Variants in BPIFB2 observed in about 807,000 individuals in gnomAD.
BPIFB2 encodes BPI fold containing family B member 2.
Under a neutral mutation model 50.1 loss-of-function variants are expected in BPIFB2, and 39 were observed. That is an observed-to-expected ratio of 0.78 (90% CI 0.60 to 1.02). The LOEUF (loss-of-function observed/expected upper bound fraction) is 1.02, where lower values mean the gene tolerates loss of function less well. BPIFB2 is among the 50% of genes least tolerant of loss of function. BPIFB2 has a pLI of 0.00. For missense variants in BPIFB2, 574 were observed against 585.8 expected (o/e 0.98, Z 0.21); for synonymous variants, 280 against 256.3 (o/e 1.09, Z -0.88).
intron 5 of BPIFB2, among the ~76,000 whole-genome samples, chr20:33,014,770 C>T (rs189022186): frequency 4.5e-4 from 68 of 152,340 alleles, no homozygotes; most frequent in African/African-American, 1.6e-3. Flanking sequence ...ACACTTGTGT[C>T]GCATGATCAC....
intron 11 of BPIFB2, 28 bp downstream of exon 11, chr20:33,019,778 C>A: frequency 6.4e-7 from 1 of 1,557,024 alleles, no homozygotes; most frequent in South Asian, 1.2e-5. Flanking sequence ...GGTCGGAAGG[C>A]AGGCAACTGT....
chr20:33,023,316 G>A, intron 15 of BPIFB2, 26 bp from the exon 16 acceptor site: 1 of 1,612,156 alleles, frequency 6.2e-7, no homozygotes, highest in Non-Finnish European at 8.5e-7. Flanking sequence ...CCTCTGACCT[G>A]GTCCATGGTT....
rs199838284 is a variant in BPIFB2 at position 33,013,812 on chromosome 20, C to T, written c.311C>T (p.Ala104Val). 3.1e-6 allele frequency: 5 copies of T among 1,612,822 alleles called. No homozygotes were observed. The African/African-American group carries it at 4.0e-5, about 13-fold the overall frequency. Residue 104 changes from alanine (A) to valine (V), a missense_variant and splice_region_variant, in exon 5 of 16, where the codon GCC becomes GTC. Transcript: ENST00000170150. ...AANFTFKVFRAPEPLELTLPV... is the reference protein window; with the variant it reads ...AANFTFKVFRVPEPLELTLPV... ...GCTCAGGACTGGCATCCCTACAGCG[C>T]CCCAGAGCCCCTGGAGCTGACGCTG...
In BPIFB2 at chr20:33,019,733, C is replaced by T; in HGVS notation, c.1063C>T (p.Leu355Phe). 6.2e-7 allele frequency: 1 copy of T among 1,608,520 alleles called. No individual in the cohort carries two copies. Among genetic ancestry groups the T allele is most frequent in the Non-Finnish European group, 8.5e-7 (1 of 1,177,150 alleles). ...AGCCTCCAACTCGGCTTTCCAGTCC[C>T]TCTTCTCCCTGGATGTGGTGAGTGC... ...ATASNSAFQSLFSLDVVVNLR... is the reference protein window; with the variant it reads ...ATASNSAFQSFFSLDVVVNLR... Residue 355 changes from leucine (L) to phenylalanine (F), a missense_variant, in exon 11 of 16, where the codon CTC becomes TTC. Coordinates refer to ENST00000170150, the MANE Select transcript of BPIFB2 (RefSeq NM_025227.3).
chr20:33,017,027 T>C lies in BPIFB2; in HGVS notation c.517-15T>C. On this transcript the variant is annotated splice_polypyrimidine_tract_variant and intron_variant, in intron 6 of 15. Transcript: ENST00000170150. ...CTGCCCTAACCCCAGCCTCCTTCTC[T>C]CTGTCTTACCACAGCTGTGCCTGAG... 1.2e-6 allele frequency: 2 copies of C among 1,613,602 alleles called. No individual in the cohort carries two copies. The highest frequency in any genetic ancestry group is 1.7e-6 in the Non-Finnish European group (2 of 1,179,614).
chr20:33,017,397 C>A (rs1978474740), intron 7 of BPIFB2, among the ~76,000 whole-genome samples: 1 of 152,186 alleles, frequency 6.6e-6, no homozygotes, highest in African/African-American at 2.4e-5. Flanking sequence ...ATCCAAGGAC[C>A]ATTGACACTT....
At chr20:33,011,781 C>A (rs1990292448) in intron 3 of BPIFB2, among the ~76,000 whole-genome samples, 1 of 152,156 alleles carries the variant, frequency 6.6e-6, no homozygotes, top group South Asian at 2.1e-4. Context: ...GAGTTCAAGA[C>A]CAGCCTGGCT....
At position 33,017,121 on chromosome 20, in the gene BPIFB2, G is replaced by T; in HGVS notation, c.577+19G>T. ...TTAATTGGTAAGATCTGGGAGCCAG[G>T]GGAGGGGGCTGGGGCCTCTGGGACC... On this transcript the variant is annotated intron_variant, in intron 7 of 15. Transcript: ENST00000170150. 6.2e-7 allele frequency: 1 copy of T among 1,612,498 alleles called. No homozygotes were observed.
At chr20:33,012,760 G>C in intron 3 of BPIFB2, 43 bp from the exon 4 acceptor site, 1 of 1,505,718 alleles carries the variant, frequency 6.6e-7, no homozygotes, top group South Asian at 1.1e-5. Flanking sequence ...TGATCCCATG[G>C]TTTAATGGGG....
chr20:33,013,198 G>A (rs529020411), intron 4 of BPIFB2, among the ~76,000 whole-genome samples: 1 of 152,258 alleles, frequency 6.6e-6, no homozygotes, highest in East Asian at 1.9e-4. Flanking sequence ...ATGACGGTTT[G>A]GTGAATGGGT....
At chr20:33,016,513 C>G (rs1039335871) in intron 6 of BPIFB2, among the ~76,000 whole-genome samples, 6 of 152,210 alleles carry the variant, frequency 3.9e-5, no homozygotes, top group African/African-American at 1.4e-4. Context: ...GTGCCCCTGG[C>G]CTTGCAGTTC....
Position 33,015,616 on chromosome 20 carries a change from C to A in BPIFB2, c.516+120C>A, listed in dbSNP as rs761682635. 5 of 837,692 alleles carry A rather than the reference C, an allele frequency of 6.0e-6. No homozygotes were observed. In the African/African-American group the frequency reaches 6.0e-5, roughly 10 times the overall value. The allele number at this position is 837,692 out of a possible 1,614,324, so 51.9% of individuals were successfully genotyped here. A position where few individuals can be genotyped will look rare whatever the true frequency, so the allele number is the denominator to read the frequency against. ...CTTGGGATTAAAAAAAAAAAAAAGA[C>A]GCCCCTTCATGGTCCCCATGAAGGC... On this transcript the variant is annotated intron_variant, in intron 6 of 15. Transcript: ENST00000170150.
intron 14 of BPIFB2, 24 bp downstream of exon 14, chr20:33,021,368 C>T (rs761232758): frequency 2.5e-5 from 40 of 1,600,210 alleles, no homozygotes; most frequent in Non-Finnish European, 3.2e-5. Context: ...TCCACCCCAG[C>T]AGGGCCCCTC....
Position 33,008,570 on chromosome 20 carries a change from C to A in BPIFB2, c.-5C>A, listed in dbSNP as rs1990241556. The A allele has an allele frequency of 6.3e-7, 1 of 1,584,746 alleles. No individual in the cohort carries two copies. Among genetic ancestry groups the A allele is most frequent in the South Asian group, 1.2e-5 (1 of 86,496 alleles). ...CAGATCCTGTGGGCAGCGGCCAGGG[C>A]AGCCATGGCTTGGGCAAGTAGGCTG... On this transcript the variant is annotated 5_prime_UTR_variant, in exon 2 of 16. Transcript: ENST00000170150.
chr20:33,018,752 A>G lies in BPIFB2; in HGVS notation c.785A>G (p.Gln262Arg). 6.2e-7 allele frequency: 1 copy of G among 1,614,232 alleles called. No homozygotes were observed. The highest frequency in any genetic ancestry group is 8.5e-7 in the Non-Finnish European group (1 of 1,180,042). The change falls in exon 9 of 16, where the codon CAG becomes CGG. Residue 262 changes from glutamine to arginine, a missense_variant. Physicochemically the swap from Gln to Arg is conservative, Grantham distance 43 (BLOSUM62 1). Transcript: ENST00000170150. ...GSMATVGLSQQLFDSALLLLQ... is the reference protein window; with the variant it reads ...GSMATVGLSQRLFDSALLLLQ... ...ATGGCCACCGTGGGCCTCTCCCAGCAGCTGTTTGACTCTGCGCTCCTGCTG... is the reference window on the plus strand; with the variant it reads ...ATGGCCACCGTGGGCCTCTCCCAGCGGCTGTTTGACTCTGCGCTCCTGCTG...
At chr20:33,017,238 C>A (rs1024210058) in intron 7 of BPIFB2, 136 bp downstream of exon 7, 2 of 641,434 alleles carry the variant, frequency 3.1e-6, no homozygotes, top group Non-Finnish European at 5.0e-6. Flanking sequence ...ATTGTGAGCT[C>A]CCAAAACAGT....
chr20:33,016,817 C>A (rs568768915), intron 6 of BPIFB2, among the ~76,000 whole-genome samples: 1 of 152,362 alleles, frequency 6.6e-6, no homozygotes, highest in African/African-American at 2.4e-5. Context: ...TGCCTGGGGA[C>A]CTATGCTCAC....
intron 13 of BPIFB2, 61 bp from the exon 14 acceptor site, chr20:33,021,220 T>A: frequency 6.4e-7 from 1 of 1,552,410 alleles, no homozygotes; most frequent in Non-Finnish European, 8.9e-7. Flanking sequence ...TGTGCCTGAC[T>A]GTCCATCTCT....
chr20:33,018,539 G>A (rs1254036039), intron 8 of BPIFB2, 98 bp from the exon 9 acceptor site: 1 of 1,402,736 alleles, frequency 7.1e-7, no homozygotes, highest in Non-Finnish European at 9.8e-7. Context: ...GGGCTGGGGG[G>A]CAGGGAGTGG....
Sources: allele counts gnomAD v4.1 joint callset (sites outside exome capture counted in the v4.1 genomes callset), GRCh38; gene constraint gnomAD v4.1.1; transcripts MANE v1.5; gene names NCBI Gene and HGNC (gene_info 2026-07-23, HGNC 2026-07-21).